Variants in MTIF2 observed in about 807,000 individuals in gnomAD.
The protein encoded by MTIF2 is translation initiation factor IF-2, mitochondrial.
In MTIF2, 71 loss-of-function variants were observed where a neutral mutation model predicts 83.5. The observed-to-expected ratio is 0.85, with a 90% CI of 0.70 to 1.04. The LOEUF is 1.04. Ranked by LOEUF, MTIF2 falls within the 50% of genes least tolerant of loss-of-function variation. MTIF2 has a pLI of 0.00. For missense variants in MTIF2, 957 were observed against 846.5 expected, an observed-to-expected ratio of 1.13 and a Z score of -1.62; for synonymous variants, 319 against 287.1, an observed-to-expected ratio of 1.11 and a Z score of -1.12.
At chr2:55,254,240 C>G (rs762061540) in intron 6 of MTIF2, 39 bp from the exon 7 acceptor site, 46 of 1,595,300 alleles carry the variant, frequency 2.9e-5, no homozygotes, top group Middle Eastern at 3.4e-4. Context: ...TCTTAAATAT[C>G]AGAAATACTT....
intron 4 of MTIF2, among the ~76,000 whole-genome samples, 194 bp downstream of exon 4, chr2:55,263,446 A>T (rs1678186331): frequency 6.6e-6 from 1 of 152,160 alleles, no homozygotes; most frequent in Non-Finnish European, 1.5e-5. Flanking sequence ...AAAATAACTT[A>T]CAGAAATCTG....
intron 3 of MTIF2, among the ~76,000 whole-genome samples, chr2:55,264,177 T>C (rs2104471537): frequency 6.6e-6 from 1 of 152,302 alleles, no homozygotes; most frequent in Admixed American, 6.5e-5. Flanking sequence ...ACAACTAGAG[T>C]AATGTTTCTA....
chr2:55,243,509 T>C lies in MTIF2; in HGVS notation c.1471A>G (p.Ile491Val), dbSNP rs1382951330. The change falls in exon 12 of 16, where the codon ATT becomes GTT. Residue 491 changes from isoleucine to valine, a missense_variant. By Grantham distance (29) the Ile-to-Val change is conservative. Around this residue, in one of 3 missense-constraint regions of MTIF2, gnomAD observed 733 missense variants for 648.7 expected, o/e 1.13. Transcript: ENST00000263629. ...TCTTTTCTTTCTAAAAACCGTAGAA[T>C]TGATCTCTTCTTCCACAGTAGATGG... is the stretch of plus-strand genomic sequence containing the variant. ...YGHLLWKKRSILRFLERKEQI... is the reference protein window; with the variant it reads ...YGHLLWKKRSVLRFLERKEQI... The C allele has an allele frequency of 1.9e-6, 3 of 1,614,120 alleles. No homozygotes were observed. Among genetic ancestry groups the C allele is most frequent in the South Asian group, 1.1e-5 (1 of 91,080 alleles).
At chr2:55,245,748 A>AT (rs1042997049) in intron 10 of MTIF2, among the ~76,000 whole-genome samples, 2 of 74,988 alleles carry the variant, frequency 2.7e-5, no homozygotes, top group Non-Finnish European at 7.8e-5. Context: ...TCTTACCATA[A>AT]TTTAAAAAAA....
chr2:55,237,864 T>TG (rs1676004049), intron 14 of MTIF2, among the ~76,000 whole-genome samples: 1 of 152,056 alleles, frequency 6.6e-6, no homozygotes, highest in Non-Finnish European at 1.5e-5. Flanking sequence ...TTGGCCAGGC[T>TG]GGTCTCAAAC....
chr2:55,264,668 G>C (rs1029135987), intron 3 of MTIF2, among the ~76,000 whole-genome samples: 1 of 151,982 alleles, frequency 6.6e-6, no homozygotes, highest in African/African-American at 2.4e-5. Context: ...AGTTGGAATC[G>C]TCTTTGAACT....
rs764166490 is a variant in MTIF2, at chr2:55,243,028, A to C, written c.1617T>G (p.Asp539Glu). 2 of 1,613,230 alleles carry C rather than the reference A, an allele frequency of 1.2e-6. No individual in the cohort carries two copies. Among genetic ancestry groups the C allele is most frequent in the Non-Finnish European group, 8.5e-7 (1 of 1,179,750 alleles). ...EAILNIIDTY[D>E]ASHECELELV... ...ATTCTAGTTCACACTCGTGTGAAGC[A>C]TCATAGGTATCTATAATGTTCAAAA... The change falls in exon 13 of 16, where the codon GAT becomes GAG. Residue 539 changes from aspartate to glutamate, a missense_variant. Asp to Glu is a conservative substitution (Grantham distance 45, BLOSUM62 2). Transcript: ENST00000263629.
chr2:55,263,695 G>C lies in MTIF2; in HGVS notation c.164C>G (p.Thr55Arg), dbSNP rs753860992. 1.9e-6 allele frequency: 3 copies of C among 1,613,868 alleles called. No individual in the cohort carries two copies. The highest frequency in any genetic ancestry group is 1.7e-5 in the Admixed American group (1 of 59,972). ...TAAAGCAGCCCCAGTGAGCACATCT[G>C]TTGGCCAGGGCCAGGCACACAGTTG... ...TAQLCAWPWP[T>R]DVLTGAALSQ... The change falls in exon 4 of 16, where the codon ACA becomes AGA. Residue 55 changes from threonine to arginine, a missense_variant. Thr to Arg is a moderately conservative substitution (Grantham distance 71, BLOSUM62 -1). Around this residue, in one of 3 missense-constraint regions of MTIF2, gnomAD observed 733 missense variants for 648.7 expected, o/e 1.13. Transcript: ENST00000263629.
At chr2:55,246,203 T>C (rs1041903376) in intron 10 of MTIF2, 134 bp downstream of exon 10, 2 of 1,104,666 alleles carry the variant, frequency 1.8e-6, no homozygotes, top group Admixed American at 5.0e-5. Context: ...AATAAAATAC[T>C]TTTTAAAACA....
intron 4 of MTIF2, among the ~76,000 whole-genome samples, chr2:55,262,718 T>C (rs1185695115): frequency 3.5e-5 from 2 of 57,782 alleles, no homozygotes; most frequent in East Asian, 7.8e-4. Flanking sequence ...AATTTTTGTA[T>C]TTTTTTTTTT....
intron 10 of MTIF2, 82 bp downstream of exon 10, chr2:55,246,255 A>C: frequency 7.1e-7 from 1 of 1,407,540 alleles, no homozygotes; most frequent in Non-Finnish European, 9.6e-7. Context: ...AATAACATGT[A>C]ACAAAAATAA....
At position 55,243,614 on chromosome 2, in the gene MTIF2, C is replaced by T. The variant is rs756473677; in HGVS notation, c.1366G>A (p.Gly456Ser). ...WRKYEQEQEK[G>S]QEDLKIIEEK... The stretch of plus-strand genomic sequence containing the variant: ...TCTATTATTTTCAGATCCTCCTGAC[C>T]TTTCTCCTGTTCTTGTTCATATTTC... Residue 456 changes from glycine to serine, a missense_variant, in exon 12 of 16, where the codon GGT (glycine) becomes AGT (serine). By Grantham distance (56) the Gly-to-Ser change is moderately conservative. Transcript: ENST00000263629. 1.2e-6 allele frequency: 2 copies of T among 1,613,856 alleles called. No individual in the cohort carries two copies. The highest frequency in any genetic ancestry group is 2.7e-5 in the African/African-American group (2 of 74,906).
Position 55,244,109 on chromosome 2 carries a change from A to G in MTIF2, c.1231T>C (p.Tyr411His). Residue 411 changes from tyrosine to histidine, a missense_variant, in exon 11 of 16, where the codon TAT (tyrosine) becomes CAT (histidine). Coordinates refer to ENST00000263629, the MANE Select transcript of MTIF2 (RefSeq NM_002453.3). ...GTAATTCCCACTGGCATGCTGGGAT[A>G]GGCCTCATCAATTGTTTTTCCATTT... The part of the protein sequence containing the change: ...DENGKTIDEA[Y>H]PSMPVGITGW... 6.2e-7 allele frequency: 1 copy of G among 1,614,150 alleles called. No individual in the cohort carries two copies. The highest frequency in any genetic ancestry group is 8.5e-7 in the Non-Finnish European group (1 of 1,179,968).
chr2:55,252,573 C>T lies in MTIF2; in HGVS notation c.745G>A (p.Ala249Thr), dbSNP rs1558567223. Residue 249 changes from alanine (A) to threonine (T), a missense_variant, in exon 8 of 16, where the codon GCT becomes ACT. By Grantham distance (58) the Ala-to-Thr change is moderately conservative. Coordinates refer to ENST00000263629, the MANE Select transcript of MTIF2 (RefSeq NM_002453.3). ...AATACGACAATGTCAGTGACCTGAG[C>T]ACCTCTGGCTCTCATTGCTGAGAAA... Reference protein sequence around the residue: ...AAFSAMRARGAQVTDIVVLVV... With the variant: ...AAFSAMRARGTQVTDIVVLVV... 2 of 1,614,062 alleles carry T rather than the reference C, an allele frequency of 1.2e-6. No individual in the cohort carries two copies. The highest frequency in any genetic ancestry group is 1.7e-6 in the Non-Finnish European group (2 of 1,179,910).
At chr2:55,258,784 A>G (rs1004416564) in intron 5 of MTIF2, among the ~76,000 whole-genome samples, 2 of 147,382 alleles carry the variant, frequency 1.4e-5, no homozygotes, top group Middle Eastern at 3.3e-3. Flanking sequence ...TGCACTCCAG[A>G]CTAGGTGACA....
chr2:55,251,729 T>C (rs757652474), intron 8 of MTIF2, among the ~76,000 whole-genome samples: 2 of 152,210 alleles, frequency 1.3e-5, no homozygotes, highest in South Asian at 2.1e-4. Flanking sequence ...GTTCAAGTGA[T>C]TCTCCTGCCT....
intron 13 of MTIF2, among the ~76,000 whole-genome samples, chr2:55,242,552 G>A (rs1187069922): frequency 1.3e-5 from 2 of 152,170 alleles, no homozygotes; most frequent in African/African-American, 4.8e-5. Flanking sequence ...AGTAAAAGAT[G>A]AAGGAAAGAA....
chr2:55,242,839 A>G, intron 13 of MTIF2, 101 bp downstream of exon 13: 3 of 1,183,738 alleles, frequency 2.5e-6, no homozygotes, highest in Non-Finnish European at 3.6e-6. Flanking sequence ...TGCTGATAGC[A>G]GTAAATGTCA....
At chr2:55,250,621 A>C (rs990013650) in intron 8 of MTIF2, among the ~76,000 whole-genome samples, 1 of 152,204 alleles carries the variant, frequency 6.6e-6, no homozygotes, top group African/African-American at 2.4e-5. Context: ...CTCTCAATAA[A>C]TGTTTACTTA....
Sources: allele counts gnomAD v4.1 joint callset (sites outside exome capture counted in the v4.1 genomes callset), GRCh38; gene constraint gnomAD v4.1.1; regional missense constraint gnomAD v4.1.1; transcripts MANE v1.5; gene names NCBI Gene and HGNC (gene_info 2026-07-23, HGNC 2026-07-21).